Variants in C11orf87 observed in about 807,000 individuals in gnomAD.
C11orf87 encodes the protein uncharacterized protein C11orf87.
A neutral mutation model predicts 9.2 loss-of-function variants in C11orf87; 3 were observed. The observed-to-expected ratio is 0.33, with a 90% CI of 0.15 to 0.84. The LOEUF (loss-of-function observed/expected upper bound fraction) is 0.84, where lower values mean the gene tolerates loss of function less well. Ranked by LOEUF, C11orf87 falls within the 40% of genes least tolerant of loss-of-function variation. The probability of loss-of-function intolerance (pLI) is 0.55; values close to 1 mark genes in which losing one functional copy is unlikely to be tolerated. For synonymous variants in C11orf87, 124 were observed against 124.6 expected, an observed-to-expected ratio of 1.00 and a Z score of 0.03; for missense variants, 256 against 270.7, an observed-to-expected ratio of 0.95 and a Z score of 0.38.
At position 109,423,192 on chromosome 11, in the gene C11orf87, G is replaced by A. The variant is rs1455469839; in HGVS notation, c.-259-183G>A. On this transcript the variant is annotated intron_variant, in intron 1 of 1. Coordinates refer to ENST00000327419, the MANE Select transcript of C11orf87 (RefSeq NM_207645.4). This position sits in a 1 kb window ranked among gnomAD's most constrained non-coding sequence, Gnocchi z 5.3. ...CCATCCTGTCGAGTGGCATGAGCAG[G>A]CTGCTGGTGGCTCTGGTGCACGGCC... is the stretch of plus-strand genomic sequence containing the variant. Among the ~76,000 whole-genome samples the A allele has an allele frequency of 6.6e-6, 1 of 152,210 alleles. No individual in the cohort carries two copies. Among genetic ancestry groups the A allele is most frequent in the African/African-American group, 2.4e-5 (1 of 41,464 alleles).
chr11:109,424,069 G>A lies in C11orf87; in HGVS notation c.436G>A (p.Ala146Thr), dbSNP rs1860536403. 1.9e-6 allele frequency: 3 copies of A among 1,613,824 alleles called. No homozygotes were observed. The highest frequency in any genetic ancestry group is 3.3e-5 in the Admixed American group (2 of 60,024). The change falls in exon 2 of 2, where the codon GCC becomes ACC. Residue 146 changes from alanine to threonine, a missense_variant. Coordinates refer to ENST00000327419, the MANE Select transcript of C11orf87 (RefSeq NM_207645.4). This position sits in a 1 kb window ranked among gnomAD's most constrained non-coding sequence, Gnocchi z 4.7. Reference sequence around the variant, plus strand: ...CTCTCCCTTCTGCGCCCCTTCCAACGCCTCGTCGTTGTCCTCTTCGTCCCC... The same window carrying A: ...CTCTCCCTTCTGCGCCCCTTCCAACACCTCGTCGTTGTCCTCTTCGTCCCC... Reference protein sequence around the residue: ...RDSPFCAPSNASSLSSSSPGL... With the variant: ...RDSPFCAPSNTSSLSSSSPGL...
At position 109,424,197 on chromosome 11, in the gene C11orf87, G is replaced by A; in HGVS notation, c.564G>A (p.Glu188=). 1 of 1,614,188 alleles carries A rather than the reference G, an allele frequency of 6.2e-7. No individual in the cohort carries two copies. Among genetic ancestry groups the A allele is most frequent in the Non-Finnish European group, 8.5e-7 (1 of 1,180,036 alleles). The change falls in exon 2 of 2, where the codon GAG becomes GAA. Residue 188 remains glutamate (E), a synonymous_variant. Transcript: ENST00000327419. The surrounding 1 kb of genome is among the most constrained non-coding windows in gnomAD (Gnocchi z 4.7). The part of the protein sequence containing the change: ...AASSCLDTAG[E]GLLQTVVLS ...CCTCCTGTTTGGACACAGCTGGCGA[G>A]GGCCTTTTGCAAACGGTGGTACTGT...
At chr11:109,422,722 CTTTT>C (rs772868114) in intron 1 of C11orf87, among the ~76,000 whole-genome samples, 125 of 71,410 alleles carry the variant, frequency 1.8e-3, no homozygotes, top group Non-Finnish European at 2.7e-3. Context: ...GCTTCAGCTG[CTTTT>C]TTTTTTTTTT....
chr11:109,422,731 T>C (rs1207437629), intron 1 of C11orf87, among the ~76,000 whole-genome samples: 1 of 143,278 alleles, frequency 7.0e-6, no homozygotes, highest in African/African-American at 2.6e-5. Context: ...GCTTTTTTTT[T>C]TTTTTTTTTT....
Position 109,423,509 on chromosome 11 carries a change from C to A in C11orf87, c.-125C>A. The stretch of plus-strand genomic sequence containing the variant: ...GCTCCCTTAGTCCTTGGCTCGCTCG[C>A]ACACCCCCTCCCGCTACAGGGAGCA... On this transcript the variant is annotated 5_prime_UTR_variant, in exon 2 of 2. Coordinates refer to ENST00000327419, the MANE Select transcript of C11orf87 (RefSeq NM_207645.4). This position sits in a 1 kb window ranked among gnomAD's most constrained non-coding sequence, Gnocchi z 5.3. 2.0e-6 allele frequency: 2 copies of A among 1,013,760 alleles called. No homozygotes were observed. The highest frequency in any genetic ancestry group is 2.8e-6 in the Non-Finnish European group (2 of 712,174). The allele number at this position is 1,013,760 out of a possible 1,614,324, so 62.8% of individuals were successfully genotyped here. A position where few individuals can be genotyped will look rare whatever the true frequency, so the allele number is the denominator to read the frequency against.
At position 109,428,138 on chromosome 11, in the gene C11orf87, A is replaced by G. The variant is rs1172919897; in HGVS notation, c.*3911A>G. 6.6e-6 allele frequency: 1 copy of G among 152,196 alleles called. No individual in the cohort carries two copies. The highest frequency in any genetic ancestry group is 1.5e-5 in the Non-Finnish European group (1 of 67,992). The allele number at this position is 152,196 out of a possible 1,614,324, so 9.4% of individuals were successfully genotyped here. A position where few individuals can be genotyped will look rare whatever the true frequency, so the allele number is the denominator to read the frequency against. ...ATATCAATGTGGTCTAAATATCTAG[A>G]TGGAAAGCAAAAATATCCAGAAGAG... On this transcript the variant is annotated 3_prime_UTR_variant, in exon 2 of 2. Coordinates refer to ENST00000327419, the MANE Select transcript of C11orf87 (RefSeq NM_207645.4).
chr11:109,425,604 A>ATTT lies in C11orf87; in HGVS notation c.*1381_*1383dup, dbSNP rs1860562536. 6.0e-6 allele frequency: 1 copy of ATTT among 165,838 alleles called. No homozygotes were observed. The highest frequency in any genetic ancestry group is 2.4e-5 in the African/African-American group (1 of 41,580). The allele number at this position is 165,838 out of a possible 1,614,324, so 10.3% of individuals were successfully genotyped here. On this transcript the variant is annotated 3_prime_UTR_variant, in exon 2 of 2. Transcript: ENST00000327419. ...TATAAAAAGATGACACACACGCTTT[A>ATTT]TTTTTTCTTTTGCAAATAATAGAAA...
Position 109,428,378 on chromosome 11 carries a change from A to C in C11orf87, c.*4151A>C, listed in dbSNP as rs527782196. The C allele has an allele frequency of 1.3e-5, 2 of 152,106 alleles. No homozygotes were observed. The highest frequency in any genetic ancestry group is 4.8e-5 in the African/African-American group (2 of 41,436). 9.4% of individuals were successfully genotyped at this position (152,106 alleles called of 1,614,324 possible). A position where few individuals can be genotyped will look rare whatever the true frequency, so the allele number is the denominator to read the frequency against. On this transcript the variant is annotated 3_prime_UTR_variant, in exon 2 of 2. Coordinates refer to ENST00000327419, the MANE Select transcript of C11orf87 (RefSeq NM_207645.4). ...TTCTTTGACATCTGACTTTTCCACC[A>C]TTTCTATCTGTATCAATTGTATTAA...
chr11:109,426,841 A>G lies in C11orf87; in HGVS notation c.*2614A>G, dbSNP rs1222636577. On this transcript the variant is annotated 3_prime_UTR_variant, in exon 2 of 2. Coordinates refer to ENST00000327419, the MANE Select transcript of C11orf87 (RefSeq NM_207645.4). ...AGCTTCATCATTTCCAATGAGCTCC[A>G]ATAAGTGCATGGATATTACTTTCTT... 2 of 152,332 alleles carry G rather than the reference A, an allele frequency of 1.3e-5. No individual in the cohort carries two copies. The highest frequency in any genetic ancestry group is 3.9e-4 in the East Asian group (2 of 5,190). The allele number at this position is 152,332 out of a possible 1,614,324, so 9.4% of individuals were successfully genotyped here. A position where few individuals can be genotyped will look rare whatever the true frequency, so the allele number is the denominator to read the frequency against.
chr11:109,427,965 C>A lies in C11orf87; in HGVS notation c.*3738C>A, dbSNP rs1332628382. On this transcript the variant is annotated 3_prime_UTR_variant, in exon 2 of 2. Transcript: ENST00000327419. ...TACTGAAAAGTCCGGTATGTGCATG[C>A]ACTTGTTTCTCTGGGGTCAAATCTG... The A allele has an allele frequency of 1.3e-5, 2 of 152,066 alleles. No individual in the cohort carries two copies. Among genetic ancestry groups the A allele is most frequent in the East Asian group, 3.8e-4 (2 of 5,202 alleles). 9.4% of individuals were successfully genotyped at this position (152,066 alleles called of 1,614,324 possible).
In C11orf87 at chr11:109,425,559, C is replaced by G. The variant is rs1380776262; in HGVS notation, c.*1332C>G. ...TGTTTCCAGAAGTGTTCTTTTGTAC[C>G]TTATTCTGTAGTAGACTGTTATAAA... On this transcript the variant is annotated 3_prime_UTR_variant, in exon 2 of 2. Coordinates refer to ENST00000327419, the MANE Select transcript of C11orf87 (RefSeq NM_207645.4). 1 of 166,888 alleles carries G rather than the reference C, an allele frequency of 6.0e-6. No individual in the cohort carries two copies. The allele number at this position is 166,888 out of a possible 1,614,324, so 10.3% of individuals were successfully genotyped here. A position where few individuals can be genotyped will look rare whatever the true frequency, so the allele number is the denominator to read the frequency against.
rs1317101696 is a variant in C11orf87, at chr11:109,424,323, C to G, written c.*96C>G. The G allele has an allele frequency of 2.0e-6, 2 of 980,332 alleles. No individual in the cohort carries two copies. The highest frequency in any genetic ancestry group is 3.1e-6 in the Non-Finnish European group (2 of 649,864). 60.7% of individuals were successfully genotyped at this position (980,332 alleles called of 1,614,324 possible). A position where few individuals can be genotyped will look rare whatever the true frequency, so the allele number is the denominator to read the frequency against. ...TTCCTTTTCCATTTTCCTCTGGCCCCTCTTTCCTCTTCCTGGTTTCCTTAC... is the reference window on the plus strand; with the variant it reads ...TTCCTTTTCCATTTTCCTCTGGCCCGTCTTTCCTCTTCCTGGTTTCCTTAC... On this transcript the variant is annotated 3_prime_UTR_variant, in exon 2 of 2. Coordinates refer to ENST00000327419, the MANE Select transcript of C11orf87 (RefSeq NM_207645.4). This position sits in a 1 kb window ranked among gnomAD's most constrained non-coding sequence, Gnocchi z 4.7.
rs1177753777 is a variant in C11orf87 at position 109,426,276 on chromosome 11, G to A, written c.*2049G>A. 1 of 152,146 alleles carries A rather than the reference G, an allele frequency of 6.6e-6. No homozygotes were observed. Among genetic ancestry groups the A allele is most frequent in the African/African-American group, 2.4e-5 (1 of 41,426 alleles). The allele number at this position is 152,146 out of a possible 1,614,324, so 9.4% of individuals were successfully genotyped here. A position where few individuals can be genotyped will look rare whatever the true frequency, so the allele number is the denominator to read the frequency against. ...ATCCTGCAGGGTGTAAGGCAACAGT[G>A]CCCCTATGAGCATCCCTCTCCCAAG... On this transcript the variant is annotated 3_prime_UTR_variant, in exon 2 of 2. Transcript: ENST00000327419.
Position 109,428,869 on chromosome 11 carries a change from A to C in C11orf87, c.*4642A>C, listed in dbSNP as rs1348796338. On this transcript the variant is annotated 3_prime_UTR_variant, in exon 2 of 2. Coordinates refer to ENST00000327419, the MANE Select transcript of C11orf87 (RefSeq NM_207645.4). ...TTAGCTGACAATAAGAATTTAATCA[A>C]CTTTATTTGGAGACAATGACTTATC... is the stretch of plus-strand genomic sequence containing the variant. The C allele has an allele frequency of 6.6e-6, 1 of 152,194 alleles. No homozygotes were observed. The highest frequency in any genetic ancestry group is 1.5e-5 in the Non-Finnish European group (1 of 68,014). 9.4% of individuals were successfully genotyped at this position (152,194 alleles called of 1,614,324 possible).
chr11:109,422,938 T>C (rs1860513404), intron 1 of C11orf87, among the ~76,000 whole-genome samples: 1 of 151,116 alleles, frequency 6.6e-6, no homozygotes, highest in Non-Finnish European at 1.5e-5. Context: ...AAGGGAGGAC[T>C]GCGTACCCGG....
At position 109,427,808 on chromosome 11, in the gene C11orf87, C is replaced by T. The variant is rs1408267086; in HGVS notation, c.*3581C>T. On this transcript the variant is annotated 3_prime_UTR_variant, in exon 2 of 2. Coordinates refer to ENST00000327419, the MANE Select transcript of C11orf87 (RefSeq NM_207645.4). ...ATATAATATTTAGACTTTATATACA[C>T]CCATAGATATGTATTTATATATGCA... 6.6e-6 allele frequency: 1 copy of T among 152,058 alleles called. No individual in the cohort carries two copies. Among genetic ancestry groups the T allele is most frequent in the East Asian group, 1.9e-4 (1 of 5,200 alleles). The allele number at this position is 152,058 out of a possible 1,614,324, so 9.4% of individuals were successfully genotyped here. A position where few individuals can be genotyped will look rare whatever the true frequency, so the allele number is the denominator to read the frequency against.
Position 109,425,419 on chromosome 11 carries a change from A to G in C11orf87, c.*1192A>G, listed in dbSNP as rs1223614305. The G allele has an allele frequency of 6.0e-6, 1 of 167,054 alleles. No homozygotes were observed. Among genetic ancestry groups the G allele is most frequent in the Admixed American group, 6.5e-5 (1 of 15,284 alleles). 10.3% of individuals were successfully genotyped at this position (167,054 alleles called of 1,614,324 possible). On this transcript the variant is annotated 3_prime_UTR_variant, in exon 2 of 2. Transcript: ENST00000327419. ...TATATTGGTACCAAATACAGAAAAA[A>G]ACTATAGTTCTGTACTATGTCCTCC...
rs942454698 is a variant in C11orf87 at position 109,425,458 on chromosome 11, T to C, written c.*1231T>C. Reference sequence around the variant, plus strand: ...ACTATGTCCTCCAAACTGTATATTATTGTTCTTAATTTCCAGCTGTTGATA... The same window carrying C: ...ACTATGTCCTCCAAACTGTATATTACTGTTCTTAATTTCCAGCTGTTGATA... On this transcript the variant is annotated 3_prime_UTR_variant, in exon 2 of 2. Transcript: ENST00000327419. The C allele has an allele frequency of 1.2e-5, 2 of 167,070 alleles. No individual in the cohort carries two copies. The highest frequency in any genetic ancestry group is 2.4e-5 in the African/African-American group (1 of 41,440). The allele number at this position is 167,070 out of a possible 1,614,324, so 10.3% of individuals were successfully genotyped here.
At position 109,423,984 on chromosome 11, in the gene C11orf87, A is replaced by C. The variant is rs1860534155; in HGVS notation, c.351A>C (p.Arg117=). The C allele has an allele frequency of 6.2e-7, 1 of 1,613,730 alleles. No individual in the cohort carries two copies. Among genetic ancestry groups the C allele is most frequent in the Non-Finnish European group, 8.5e-7 (1 of 1,179,840 alleles). The change falls in exon 2 of 2, where the codon CGA becomes CGC. Residue 117 remains arginine (R), a synonymous_variant. Coordinates refer to ENST00000327419, the MANE Select transcript of C11orf87 (RefSeq NM_207645.4). The surrounding 1 kb of genome is among the most constrained non-coding windows in gnomAD (Gnocchi z 5.3). ...GCCGCGGTGGCGGGGGGCTGCCCCGACCTGGCAGGCAGGCCCCAACCCACG... is the reference window on the plus strand; with the variant it reads ...GCCGCGGTGGCGGGGGGCTGCCCCGCCCTGGCAGGCAGGCCCCAACCCACG... ...SGSRGGGGLP[R]PGRQAPTHAK...
Sources: gnomAD v4.1 joint callset for allele counts (sites outside exome capture counted in the v4.1 genomes callset) on GRCh38, gnomAD v4.1.1 for gene constraint, Gnocchi (gnomAD v3.1) non-coding constraint, MANE v1.5 for transcripts, NCBI Gene and HGNC (gene_info 2026-07-23, HGNC 2026-07-21) for gene names.